Variants in CEP104 observed in about 807,000 individuals in gnomAD.
CEP104 encodes centrosomal protein 104, also known as centrosomal protein of 104 kDa.
In CEP104, 84 loss-of-function variants were observed where a neutral mutation model predicts 113.3. The observed-to-expected ratio is 0.74, with a 90% CI of 0.62 to 0.89. The LOEUF (loss-of-function observed/expected upper bound fraction) is 0.89. CEP104 is among the 40% of genes least tolerant of loss of function. The pLI, the probability that CEP104 is intolerant of heterozygous loss-of-function variation, is 0.00. For missense variants in CEP104, 1,053 were observed against 1,156.6 expected (o/e 0.91, Z 1.30); for synonymous variants, 378 against 421.7 (o/e 0.90, Z 1.27).
At chr1:3,837,582 A>C in intron 8 of CEP104, 63 bp from the exon 9 acceptor site, 451 of 1,329,104 alleles carry the variant, frequency 3.4e-4, no homozygotes, top group Non-Finnish European at 4.1e-4. Context: ...TATCTATCTC[A>C]TTCCTTCAGA....
chr1:3,855,697 C>T (rs1248465689), intron 1 of CEP104, among the ~76,000 whole-genome samples: 1 of 152,168 alleles, frequency 6.6e-6, no homozygotes, highest in Non-Finnish European at 1.5e-5. Flanking sequence ...CTACCCCCTC[C>T]CAAAGACCTT....
chr1:3,829,635 C>A, intron 14 of CEP104, 156 bp downstream of exon 14: 1 of 802,006 alleles, frequency 1.2e-6, no homozygotes, highest in Non-Finnish European at 2.0e-6. Context: ...CAGCCGGGAT[C>A]TGAATGCGGG....
chr1:3,830,603 C>T (rs1294422050), intron 13 of CEP104, among the ~76,000 whole-genome samples: 2 of 151,926 alleles, frequency 1.3e-5, no homozygotes, highest in African/African-American at 2.4e-5. Context: ...GAAACCCCGT[C>T]TCTACTAAAA....
At position 3,837,417 on chromosome 1, in the gene CEP104, T is replaced by C; in HGVS notation, c.994A>G (p.Thr332Ala). ...AAAGGTTCTGCAAACTGGTTTTCTG[T>C]TCCTCTTTCTTCCAGTTGTGGTAGT... The part of the protein sequence containing the change: ...PSLPQLEERG[T>A]ENQFAEPFLQ... The change falls in exon 9 of 22, where the codon ACA becomes GCA. Residue 332 changes from threonine (T) to alanine (A), a missense_variant. By Grantham distance (58) the Thr-to-Ala change is moderately conservative. Transcript: ENST00000378230. The C allele has an allele frequency of 6.2e-7, 1 of 1,614,238 alleles. No homozygotes were observed. The highest frequency in any genetic ancestry group is 8.5e-7 in the Non-Finnish European group (1 of 1,180,038).
rs551916206 is a variant in CEP104, at chr1:3,839,038, T to G, written c.817A>C (p.Lys273Gln). Residue 273 changes from lysine to glutamine, a missense_variant, in exon 8 of 22, where the codon AAG (lysine) becomes CAG (glutamine). Transcript: ENST00000378230. Reference sequence around the variant, plus strand: ...GCACGATACTGCTCCATCTGCTGCTTCTTCTCCTTGGCGAGATCGTAGTCT... The same window carrying G: ...GCACGATACTGCTCCATCTGCTGCTGCTTCTCCTTGGCGAGATCGTAGTCT... ...KEDYDLAKEK[K>Q]QQMEQYRAEV... is the part of the protein sequence containing the mutation. The G allele has an allele frequency of 2.5e-5, 41 of 1,614,102 alleles. No individual in the cohort carries two copies. The Middle Eastern group carries it at 4.9e-4, about 19-fold the overall frequency.
intron 3 of CEP104, among the ~76,000 whole-genome samples, chr1:3,847,936 G>T (rs1257797613): frequency 6.6e-6 from 1 of 152,068 alleles, no homozygotes; most frequent in East Asian, 1.9e-4. Context: ...CCGGGTTCAA[G>T]CAATTCTTCT....
intron 4 of CEP104, among the ~76,000 whole-genome samples, chr1:3,846,615 G>A (rs1433897473): frequency 6.6e-6 from 1 of 152,150 alleles, no homozygotes; most frequent in Non-Finnish European, 1.5e-5. Context: ...GTCATTGCTG[G>A]TAAATACATG....
intron 13 of CEP104, 30 bp downstream of exon 13, chr1:3,831,016 C>A (rs6424058): frequency 8.7e-6 from 14 of 1,601,752 alleles, no homozygotes; most frequent in Non-Finnish European, 8.5e-7. Flanking sequence ...TGCTGGGCCG[C>A]GTGGTGTGTC....
At chr1:3,820,841 T>TGGG (rs1448771041) in intron 20 of CEP104, among the ~76,000 whole-genome samples, 1 of 152,078 alleles carries the variant, frequency 6.6e-6, no homozygotes, top group East Asian at 1.9e-4. Flanking sequence ...GCAGGTGCAG[T>TGGG]GGGGGCCAAG....
Position 3,831,161 on chromosome 1 carries a change from G to T in CEP104, c.1721C>A (p.Pro574Gln). Reference protein sequence around the residue: ...LQIIPSYLVQPLKANSSVHLA... With the variant: ...LQIIPSYLVQQLKANSSVHLA... ...GTGAACTGAAGAGTTTGCTTTCAAT[G>T]GCTGCACCAGGTAGGATGGAATAAT... Residue 574 changes from proline (P) to glutamine (Q), a missense_variant, in exon 13 of 22, where the codon CCA becomes CAA. Pro to Gln is a moderately conservative substitution (Grantham distance 76). Coordinates refer to ENST00000378230, the MANE Select transcript of CEP104 (RefSeq NM_014704.4). 1.2e-6 allele frequency: 2 copies of T among 1,614,212 alleles called. No individual in the cohort carries two copies. The highest frequency in any genetic ancestry group is 2.2e-5 in the South Asian group (2 of 91,086).
intron 12 of CEP104, among the ~76,000 whole-genome samples, chr1:3,832,964 A>AGCCACCCC (rs1557673392): frequency 6.7e-6 from 1 of 149,470 alleles, no homozygotes; most frequent in African/African-American, 2.5e-5. Flanking sequence ...TATGGGCGTG[A>AGCCACCCC]GCCACCCCGC....
At chr1:3,830,632 G>A (rs896541648) in intron 13 of CEP104, among the ~76,000 whole-genome samples, 5 of 151,688 alleles carry the variant, frequency 3.3e-5, no homozygotes, top group Non-Finnish European at 7.4e-5. Context: ...AAAATTAGCC[G>A]GGCATGGTGG....
In CEP104 at chr1:3,815,236, T is replaced by C; in HGVS notation, c.*166A>G. On this transcript the variant is annotated 3_prime_UTR_variant, in exon 22 of 22. Coordinates refer to ENST00000378230, the MANE Select transcript of CEP104 (RefSeq NM_014704.4). ...CTTTGGTTAGCTGCATCCATATCGT[T>C]TGCACGAGAGCTGACGGCACAGACG... The C allele has an allele frequency of 1.6e-6, 1 of 608,112 alleles. No individual in the cohort carries two copies. The highest frequency in any genetic ancestry group is 2.9e-6 in the Non-Finnish European group (1 of 339,436). The allele number at this position is 608,112 out of a possible 1,614,324, so 37.7% of individuals were successfully genotyped here.
At chr1:3,834,140 T>C (rs1005851735) in intron 11 of CEP104, 105 bp from the exon 12 acceptor site, 1 of 952,444 alleles carries the variant, frequency 1.0e-6, no homozygotes, top group Non-Finnish European at 1.6e-6. Context: ...ATATCGAAAA[T>C]GACATCTCGT....
At chr1:3,837,104 G>T (rs149460526) in intron 9 of CEP104, 188 bp downstream of exon 9, 310 of 577,594 alleles carry the variant, frequency 5.4e-4, no homozygotes, top group Middle Eastern at 9.1e-4. Context: ...TGCTCACAAG[G>T]TGTCATTAGG....
rs553210990 is a variant in CEP104 at position 3,850,150 on chromosome 1, G to A, written c.114-1369C>T. 6.6e-5 allele frequency among the ~76,000 whole-genome samples: 10 copies of A among 152,312 alleles called. No homozygotes were observed. In the South Asian group the frequency reaches 1.9e-3, roughly 28 times the overall value. ...GTGTTCGATGAAATCGACTGATGAT[G>A]CATTTCTCAGAAAGAATGTCCCCAT... On this transcript the variant is annotated intron_variant, in intron 2 of 21. Transcript: ENST00000378230.
rs576106370 is a variant in CEP104 at position 3,827,322 on chromosome 1, C to T, written c.2152-578G>A. ...TTTGGCCTCCTGGGTGCAAGCCATC[C>T]TCCTGCCCCAGCCTCCTGAGTAGCT... On this transcript the variant is annotated intron_variant, in intron 15 of 21. Transcript: ENST00000378230. Among the ~76,000 whole-genome samples, 48 of 152,298 alleles carry T rather than the reference C, an allele frequency of 3.2e-4. 1 individual carries two copies. The highest frequency in any genetic ancestry group is 5.3e-4 in the Non-Finnish European group (36 of 68,028).
intron 1 of CEP104, 55 bp downstream of exon 1, chr1:3,856,809 CCGCGGCGCCCGCGCCCCGCGCCCCG>C (rs1644742693): frequency 7.4e-6 from 1 of 134,348 alleles, no homozygotes; most frequent in African/African-American, 3.4e-5. Context: ...GACCGCGCCC[CCGCGGCGCCCGCGCCCCGCGCCCCG>C]CGCCCCGCTC....
At chr1:3,835,154 T>C in intron 10 of CEP104, 62 bp from the exon 11 acceptor site, 1 of 1,308,880 alleles carries the variant, frequency 7.6e-7, no homozygotes. Flanking sequence ...CTACACAACT[T>C]GAAGGCTTTG....
Sources: allele counts gnomAD v4.1 joint callset (sites outside exome capture counted in the v4.1 genomes callset), GRCh38; gene constraint gnomAD v4.1.1; transcripts MANE v1.5; gene names NCBI Gene and HGNC (gene_info 2026-07-23, HGNC 2026-07-21).